A2ML1: variants seen among roughly 807,000 people sequenced by gnomAD.
A2ML1 encodes alpha-2-macroglobulin like 1, also known as alpha-2-macroglobulin-like protein 1.
A2ML1 carries 161 observed loss-of-function variants against 181.9 expected under a neutral mutation model. The observed-to-expected ratio is 0.89, with a 90% CI of 0.78 to 1.01. The LOEUF (loss-of-function observed/expected upper bound fraction) is 1.01. Among genes scored for constraint, A2ML1 ranks in the 50% least tolerant of loss-of-function variants. The pLI is 0.00. For synonymous variants in A2ML1, 663 were observed against 666.8 expected (o/e 0.99, Z 0.09); for missense variants, 1,670 against 1,768.1 (o/e 0.94, Z 1.00).
Position 8,846,148 on chromosome 12 carries a change from T to TATGCC in A2ML1, c.1612_1616dup (p.Ile539MetfsTer10), listed in dbSNP as rs2136837411. 3.1e-6 allele frequency: 5 copies of TATGCC among 1,614,236 alleles called. No individual in the cohort carries two copies. Among genetic ancestry groups the TATGCC allele is most frequent in the Non-Finnish European group, 4.2e-6 (5 of 1,180,030 alleles). On this transcript the variant is annotated frameshift_variant, in exon 14 of 36. Coordinates refer to ENST00000299698, the MANE Select transcript of A2ML1 (RefSeq NM_144670.6). LOFTEE classifies it high-confidence loss of function. ...GGCCCCTGATCCTTCCCTGGTGATCTATGCCATTTTTCCCAGTGGAGGTGT... is the reference window on the plus strand; with the variant it reads ...GGCCCCTGATCCTTCCCTGGTGATCTATGCCATGCCATTTTTCCCAGTGGAGGTGT...
rs1944803029 is a variant in A2ML1 at position 8,876,452 on chromosome 12, T to A, written c.*396T>A. On this transcript the variant is annotated 3_prime_UTR_variant, in exon 36 of 36. Transcript: ENST00000299698. ...ACTTTGGGATTGCGAGGTGGGCGGA[T>A]CACTTGAGGTCAGGAGTTCAAGACC... The A allele has an allele frequency of 6.6e-6, 1 of 152,228 alleles. No individual in the cohort carries two copies. The highest frequency in any genetic ancestry group is 1.5e-5 in the Non-Finnish European group (1 of 68,116). 9.4% of individuals were successfully genotyped at this position (152,228 alleles called of 1,614,324 possible).
intron 31 of A2ML1, 41 bp from the exon 32 acceptor site, chr12:8,868,496 A>C: frequency 6.2e-7 from 1 of 1,607,594 alleles, no homozygotes; most frequent in Non-Finnish European, 8.5e-7. Context: ...GAGTGCACTG[A>C]AGTAATAGGC....
At chr12:8,870,497 G>A (rs61919509) in intron 33 of A2ML1, among the ~76,000 whole-genome samples, 3,572 of 152,232 alleles carry the variant, frequency 0.023, 65 homozygotes, top group Non-Finnish European at 0.04. Context: ...TCGATCTCCT[G>A]ACCTCGTGAT....
In A2ML1 at chr12:8,852,484, T is replaced by TA; in HGVS notation, c.2590+149dup. On this transcript the variant is annotated intron_variant, in intron 20 of 35. Coordinates refer to ENST00000299698, the MANE Select transcript of A2ML1 (RefSeq NM_144670.6). The surrounding 1 kb of genome is among the most constrained non-coding windows in gnomAD (Gnocchi z 4.2). ...CCCTCCTAAGGCTGTTATAAGTCAA[T>TA]ACACAAACACTCTTTGATAGGTGAC... is the stretch of plus-strand genomic sequence containing the variant. 5.9e-6 allele frequency: 7 copies of TA among 1,190,388 alleles called. No individual in the cohort carries two copies. The East Asian group carries it at 1.7e-4, about 29-fold the overall frequency. The allele number at this position is 1,190,388 out of a possible 1,614,324, so 73.7% of individuals were successfully genotyped here. A position where few individuals can be genotyped will look rare whatever the true frequency, so the allele number is the denominator to read the frequency against.
At chr12:8,856,804 T>A (rs1352917759) in intron 23 of A2ML1, among the ~76,000 whole-genome samples, 1 of 152,100 alleles carries the variant, frequency 6.6e-6, no homozygotes, top group Non-Finnish European at 1.5e-5. Context: ...ATAAAAATTG[T>A]AATGTGTTGT....
chr12:8,844,893 C>A, intron 12 of A2ML1: 1 of 903,248 alleles, frequency 1.1e-6, no homozygotes, highest in Non-Finnish European at 1.5e-6. Context: ...TGGAGCCCTG[C>A]AGGAGCGTGG....
chr12:8,850,593 A>C (rs968157703), intron 18 of A2ML1, among the ~76,000 whole-genome samples: 31 of 152,168 alleles, frequency 2.0e-4, no homozygotes, highest in Non-Finnish European at 4.4e-4. Context: ...CGACAACGAC[A>C]ACAACAAACC....
At chr12:8,880,895 C>T (rs1376184254), downstream of A2ML1, among the ~76,000 whole-genome samples, 1 of 152,142 alleles carries the variant, frequency 6.6e-6, no homozygotes. Context: ...GGAGATGAGG[C>T]TTTTTATGGA....
intron 29 of A2ML1, among the ~76,000 whole-genome samples, chr12:8,865,901 C>G (rs1408123565): frequency 4.6e-5 from 7 of 152,152 alleles, no homozygotes; most frequent in African/African-American, 1.7e-4. Flanking sequence ...ATTTCTTGTT[C>G]TCATGAAGAT....
In A2ML1 at chr12:8,847,582, C is replaced by G. The variant is rs1363935352; in HGVS notation, c.1717C>G (p.Pro573Ala). Residue 573 changes from proline to alanine, a missense_variant, in exon 15 of 36, where the codon CCA (proline) becomes GCA (alanine). Pro to Ala is a conservative substitution (Grantham distance 27). Coordinates refer to ENST00000299698, the MANE Select transcript of A2ML1 (RefSeq NM_144670.6). ...SLGFSPSQQL[P>A]GAEVELQLQA... ...TGGCTTCTCCCCCTCCCAGCAGCTT[C>G]CAGGAGCAGAAGTGGAGCTGCAGCT... The G allele has an allele frequency of 6.2e-7, 1 of 1,613,258 alleles. No individual in the cohort carries two copies. Among genetic ancestry groups the G allele is most frequent in the East Asian group, 2.2e-5 (1 of 44,782 alleles).
chr12:8,854,657 C>G (rs1206350517), intron 21 of A2ML1, 123 bp from the exon 22 acceptor site: 1 of 1,008,690 alleles, frequency 9.9e-7, no homozygotes, highest in South Asian at 1.4e-5. Flanking sequence ...GTGAGAAGCT[C>G]TTGTCTGCAG....
chr12:8,839,075 G>A, intron 9 of A2ML1, 38 bp from the exon 10 acceptor site: 1 of 1,367,408 alleles, frequency 7.3e-7, no homozygotes, highest in Non-Finnish European at 1.0e-6. Flanking sequence ...GAGAATATCA[G>A]GTGCCTAGAT....
chr12:8,829,427 C>G (rs1943038797), intron 3 of A2ML1, among the ~76,000 whole-genome samples: 1 of 152,106 alleles, frequency 6.6e-6, no homozygotes, highest in Non-Finnish European at 1.5e-5. Context: ...CTTTGGGAGG[C>G]CAAGGCAGGT....
intron 25 of A2ML1, 158 bp downstream of exon 25, chr12:8,857,746 T>A (rs1944119049): frequency 9.1e-7 from 1 of 1,093,090 alleles, no homozygotes; most frequent in Non-Finnish European, 1.3e-6. Context: ...GATGGTCAAG[T>A]CCCTCGATCT....
intron 15 of A2ML1, 61 bp downstream of exon 15, chr12:8,847,759 G>A (rs750670849): frequency 9.6e-6 from 15 of 1,566,570 alleles, no homozygotes; most frequent in Non-Finnish European, 1.2e-5. Context: ...CAATTAAGAG[G>A]TAGGTTTCAG....
At chr12:8,823,527 G>A (rs1050993905) in intron 2 of A2ML1, 162 bp downstream of exon 2, 4 of 1,069,840 alleles carry the variant, frequency 3.7e-6, no homozygotes, top group South Asian at 3.3e-5. Flanking sequence ...ACTCACCCAC[G>A]GTTTCCTCGA....
chr12:8,831,864 C>T (rs1203441561), intron 4 of A2ML1, among the ~76,000 whole-genome samples: 1 of 152,168 alleles, frequency 6.6e-6, no homozygotes, highest in Admixed American at 6.5e-5. Context: ...ATTCTCCTGC[C>T]TCAGCCTCCC....
chr12:8,830,614 T>A (rs1447444390), intron 4 of A2ML1: 1 of 152,196 alleles, frequency 6.6e-6, no homozygotes, highest in Non-Finnish European at 1.5e-5. Flanking sequence ...ACAGGTTTGA[T>A]TTCAAGTTGG....
chr12:8,872,540 G>A (rs1420547271), intron 33 of A2ML1, among the ~76,000 whole-genome samples: 1 of 151,998 alleles, frequency 6.6e-6, no homozygotes, highest in East Asian at 1.9e-4. Context: ...CCAGCACTTT[G>A]GGAGGCCGAG....
Sources: allele counts gnomAD v4.1 joint callset (sites outside exome capture counted in the v4.1 genomes callset), GRCh38; gene constraint gnomAD v4.1.1; non-coding constraint Gnocchi (gnomAD v3.1); transcripts MANE v1.5; gene names NCBI Gene and HGNC (gene_info 2026-07-23, HGNC 2026-07-21).